The following NELL2 variants were observed in gnomAD, a reference collection of about 807,000 sequenced individuals.
NELL2 encodes protein kinase C-binding protein NELL2.
In NELL2, 41 loss-of-function variants were observed where a neutral mutation model predicts 109.6. That is an observed-to-expected ratio of 0.37 (90% CI 0.29 to 0.49). NELL2 has a LOEUF of 0.49. Among genes scored for constraint, NELL2 ranks in the 20% least tolerant of loss-of-function variants. The pLI is 0.98. For missense variants in NELL2, 900 were observed against 1,008.3 expected (o/e 0.89, Z 1.45); for synonymous variants, 355 against 344.7 (o/e 1.03, Z -0.33).
At chr12:44,546,943 A>C (rs1364387249) in intron 15 of NELL2, among the ~76,000 whole-genome samples, 1 of 152,212 alleles carries the variant, frequency 6.6e-6, no homozygotes, top group Non-Finnish European at 1.5e-5. Context: ...GCTAACTGCC[A>C]GGTATTTTGT....
At chr12:44,723,723 T>G (rs1938915426) in intron 9 of NELL2, among the ~76,000 whole-genome samples, 1 of 152,120 alleles carries the variant, frequency 6.6e-6, no homozygotes, top group African/African-American at 2.4e-5. Flanking sequence ...TTCATCCACA[T>G]TTACAGTTGT....
intron 13 of NELL2, among the ~76,000 whole-genome samples, chr12:44,632,033 C>A (rs1192414574): frequency 1.3e-5 from 2 of 152,056 alleles, no homozygotes; most frequent in Admixed American, 6.6e-5. Flanking sequence ...GCCAATCAAT[C>A]CATGAAATTG....
intron 2 of NELL2, among the ~76,000 whole-genome samples, chr12:44,846,211 G>T (rs934278144): frequency 6.6e-6 from 1 of 152,194 alleles, no homozygotes; most frequent in Admixed American, 6.5e-5. Context: ...GGTTCATTAC[G>T]CAAGTGTATA....
At chr12:44,512,381 A>G (rs548718654) in intron 19 of NELL2, among the ~76,000 whole-genome samples, 1 of 152,254 alleles carries the variant, frequency 6.6e-6, no homozygotes, top group African/African-American at 2.4e-5. Context: ...TGTTGGTGGG[A>G]CTGTAAATTA....
chr12:44,779,785 G>C, intron 4 of NELL2, 26 bp from the exon 5 acceptor site: 1 of 1,613,260 alleles, frequency 6.2e-7, no homozygotes, highest in South Asian at 1.1e-5. Flanking sequence ...ATCAAAGAAG[G>C]AACGTGAGTA....
intron 12 of NELL2, among the ~76,000 whole-genome samples, chr12:44,678,154 C>T (rs117748171): frequency 1.3e-5 from 2 of 150,742 alleles, no homozygotes; most frequent in South Asian, 4.2e-4. Flanking sequence ...AAAAATTGCT[C>T]AGAGAGGTAG....
intron 15 of NELL2, among the ~76,000 whole-genome samples, chr12:44,554,524 TTTGA>T (rs1338599896): frequency 6.6e-6 from 1 of 152,176 alleles, no homozygotes; most frequent in African/African-American, 2.4e-5. Flanking sequence ...TGTTCGCTAG[TTTGA>T]TTGTGATGAT....
chr12:44,894,876 C>T (rs1252883787), intron 1 of NELL2, among the ~76,000 whole-genome samples: 3 of 152,176 alleles, frequency 2.0e-5, no homozygotes, highest in Non-Finnish European at 4.4e-5. Context: ...CAATTCACAA[C>T]TTGAGAATGT....
intron 15 of NELL2, among the ~76,000 whole-genome samples, chr12:44,546,083 A>G (rs572514468): frequency 1.3e-5 from 2 of 152,288 alleles, no homozygotes; most frequent in African/African-American, 4.8e-5. Context: ...GGTTATTCAG[A>G]AAAATGAGCT....
intron 9 of NELL2, among the ~76,000 whole-genome samples, chr12:44,722,148 G>C (rs1259570902): frequency 6.6e-6 from 1 of 151,930 alleles, no homozygotes; most frequent in East Asian, 1.9e-4. Flanking sequence ...AAGACATGGG[G>C]CAAGAATGGT....
At chr12:44,665,410 TGA>T in intron 13 of NELL2, 72 bp downstream of exon 13, 4 of 1,339,630 alleles carry the variant, frequency 3.0e-6, no homozygotes, top group South Asian at 1.6e-5. Flanking sequence ...ATCAAAAAAA[TGA>T]GAGTCAAAGA....
At chr12:44,639,231 G>T (rs1231488699) in intron 13 of NELL2, among the ~76,000 whole-genome samples, 2 of 152,076 alleles carry the variant, frequency 1.3e-5, no homozygotes, top group South Asian at 4.1e-4. Context: ...GGTATGCCTA[G>T]AGGAAAAGGT....
At chr12:44,823,263 G>C (rs918109847) in intron 2 of NELL2, among the ~76,000 whole-genome samples, 4 of 151,918 alleles carry the variant, frequency 2.6e-5, no homozygotes, top group African/African-American at 9.7e-5. Context: ...TTAATGTATG[G>C]TGAGAACATT....
Position 44,739,489 on chromosome 12 carries a change from C to T in NELL2, c.995-24748G>A, listed in dbSNP as rs180800502. 9.2e-5 allele frequency among the ~76,000 whole-genome samples: 14 copies of T among 152,192 alleles called. No homozygotes were observed. In the East Asian group the frequency reaches 2.7e-3, roughly 29 times the overall value. On this transcript the variant is annotated intron_variant, in intron 9 of 19. Transcript: ENST00000429094. ...CTATCCACCACCAGTTTTGTACAGG[C>T]TTGTGGCTAAGAATAGCTCCATATC...
Position 44,522,107 on chromosome 12 carries a change from G to C in NELL2, c.2068C>G (p.Pro690Ala). The change falls in exon 18 of 20, where the codon CCT becomes GCT. Residue 690 changes from proline (P) to alanine (A), a missense_variant. Pro to Ala is a conservative substitution (Grantham distance 27, BLOSUM62 -1). Coordinates refer to ENST00000429094, the MANE Select transcript of NELL2 (RefSeq NM_001145108.2). ...CTACTAAGCCTTGGGTCACATTCAG[G>C]GCAGCAAAAAAGATCAACTGTGGGA... ...ENPTVDLFCC[P>A]ECDPRLSSQC... The C allele has an allele frequency of 1.2e-6, 2 of 1,613,518 alleles. No individual in the cohort carries two copies. Among genetic ancestry groups the C allele is most frequent in the Non-Finnish European group, 8.5e-7 (1 of 1,179,824 alleles).
At chr12:44,591,612 C>A (rs1426126945) in intron 15 of NELL2, among the ~76,000 whole-genome samples, 2 of 151,980 alleles carry the variant, frequency 1.3e-5, no homozygotes, top group Non-Finnish European at 2.9e-5. Flanking sequence ...TACTAGAAGA[C>A]AGAAAGGAGC....
intron 3 of NELL2, among the ~76,000 whole-genome samples, chr12:44,783,838 C>G (rs1164034537): frequency 2.0e-5 from 3 of 151,848 alleles, no homozygotes; most frequent in Non-Finnish European, 4.4e-5. Flanking sequence ...TTATATTGCC[C>G]TGACACCAAA....
At chr12:44,761,540 T>A (rs1022663994) in intron 9 of NELL2, among the ~76,000 whole-genome samples, 1 of 152,070 alleles carries the variant, frequency 6.6e-6, no homozygotes, top group Non-Finnish European at 1.5e-5. Flanking sequence ...TCTACCTAAA[T>A]GAAAAGAAAT....
chr12:44,862,189 C>T (rs923164289), intron 2 of NELL2, among the ~76,000 whole-genome samples: 1 of 152,184 alleles, frequency 6.6e-6, no homozygotes, highest in Non-Finnish European at 1.5e-5. Flanking sequence ...CCCACGAATA[C>T]TCACCAGCAG....
Sources: allele counts gnomAD v4.1 joint callset (sites outside exome capture counted in the v4.1 genomes callset), GRCh38; gene constraint gnomAD v4.1.1; transcripts MANE v1.5; gene names NCBI Gene and HGNC (gene_info 2026-07-23, HGNC 2026-07-21).